Variants in SETDB2 observed in about 807,000 individuals in gnomAD.
SETDB2 encodes SET domain bifurcated histone lysine methyltransferase 2, also known as histone-lysine N-methyltransferase SETDB2.
A neutral mutation model predicts 82.5 loss-of-function variants in SETDB2; 56 were observed. That is an observed-to-expected ratio of 0.68 (90% CI 0.55 to 0.85). The LOEUF (loss-of-function observed/expected upper bound fraction) is 0.85. Among genes scored for constraint, SETDB2 ranks in the 40% least tolerant of loss-of-function variants. The pLI, the probability that SETDB2 is intolerant of heterozygous loss-of-function variation, is 0.00. For missense variants in SETDB2, 677 were observed against 816.4 expected (o/e 0.83, Z 2.08); for synonymous variants, 272 against 284.9 (o/e 0.95, Z 0.46).
rs1284216504 is a variant in SETDB2 at position 49,494,636 on chromosome 13, G to A, written c.*2787G>A. On this transcript the variant is annotated 3_prime_UTR_variant, in exon 14 of 14. Coordinates refer to ENST00000611815, the MANE Select transcript of SETDB2 (RefSeq NM_001160308.3). The stretch of plus-strand genomic sequence containing the variant: ...AAATACTCTTTCATCCTCCTGCATG[G>A]AGGGCAAAAAAAAATTTAAAAATTG... 1.4e-5 allele frequency: 2 copies of A among 144,654 alleles called. No individual in the cohort carries two copies. The highest frequency in any genetic ancestry group is 3.0e-5 in the Non-Finnish European group (2 of 66,644). The allele number at this position is 144,654 out of a possible 1,614,324, so 9.0% of individuals were successfully genotyped here.
intron 13 of SETDB2, 107 bp downstream of exon 13, chr13:49,491,017 C>T: frequency 1.2e-6 from 1 of 809,114 alleles, no homozygotes; most frequent in Non-Finnish European, 1.9e-6. Context: ...CTTTGGGAGG[C>T]CAAGGTGGGG....
chr13:49,482,625 C>T (rs1958501888), intron 8 of SETDB2, 112 bp from the exon 9 acceptor site: 1 of 717,064 alleles, frequency 1.4e-6, no homozygotes, highest in African/African-American at 1.8e-5. Context: ...ATGTGTTTAT[C>T]TTCATTGTAG....
At position 49,494,266 on chromosome 13, in the gene SETDB2, T is replaced by C. The variant is rs1958764549; in HGVS notation, c.*2417T>C. Reference sequence around the variant, plus strand: ...TTTGGCTCATGGTTGCAGTATTTTATCTCCTTGAAGATGTTTGTGTGTTTA... The same window carrying C: ...TTTGGCTCATGGTTGCAGTATTTTACCTCCTTGAAGATGTTTGTGTGTTTA... On this transcript the variant is annotated 3_prime_UTR_variant, in exon 14 of 14. Coordinates refer to ENST00000611815, the MANE Select transcript of SETDB2 (RefSeq NM_001160308.3). 1 of 152,240 alleles carries C rather than the reference T, an allele frequency of 6.6e-6. No homozygotes were observed. Among genetic ancestry groups the C allele is most frequent in the Middle Eastern group, 3.2e-3 (1 of 316 alleles). 9.4% of individuals were successfully genotyped at this position (152,240 alleles called of 1,614,324 possible).
chr13:49,480,385 G>C lies in SETDB2; in HGVS notation c.986+50G>C, dbSNP rs1267769924. 6.9e-6 allele frequency: 8 copies of C among 1,166,640 alleles called. No individual in the cohort carries two copies. In the Admixed American group the frequency reaches 1.8e-4, roughly 27 times the overall value. 72.3% of individuals were successfully genotyped at this position (1,166,640 alleles called of 1,614,324 possible). On this transcript the variant is annotated intron_variant, in intron 7 of 13. Coordinates refer to ENST00000611815, the MANE Select transcript of SETDB2 (RefSeq NM_001160308.3). ...CAGGGTGTGTATATCTTTGAAGGTG[G>C]GTACTTTTTATTGTGGTCCAAAATC...
chr13:49,449,114 T>C (rs1038771496), intron 1 of SETDB2, among the ~76,000 whole-genome samples: 5 of 152,240 alleles, frequency 3.3e-5, no homozygotes, highest in African/African-American at 9.6e-5. Context: ...TAAAATATCA[T>C]ATCTGGGTTT....
intron 2 of SETDB2, among the ~76,000 whole-genome samples, chr13:49,454,558 G>A (rs1214451915): frequency 1.3e-5 from 2 of 152,132 alleles, no homozygotes; most frequent in Admixed American, 6.5e-5. Flanking sequence ...ACTTAGGTCA[G>A]TACCTTTTCC....
intron 11 of SETDB2, 194 bp from the exon 12 acceptor site, chr13:49,488,096 T>G (rs1681626025): frequency 2.5e-6 from 1 of 404,254 alleles, no homozygotes; most frequent in Admixed American, 6.4e-5. Flanking sequence ...ACCCCAGTTC[T>G]CGTTATTGTG....
At chr13:49,461,202 T>G in intron 4 of SETDB2, 40 bp downstream of exon 4, 7 of 1,421,420 alleles carry the variant, frequency 4.9e-6, no homozygotes, top group Non-Finnish European at 6.8e-6. Flanking sequence ...TATTCTCTGA[T>G]ATTTTCTTGC....
chr13:49,471,708 T>C (rs1247500860), intron 5 of SETDB2, among the ~76,000 whole-genome samples: 4 of 151,592 alleles, frequency 2.6e-5, no homozygotes, highest in Admixed American at 2.0e-4. Flanking sequence ...ATAAATAAAA[T>C]AGGTCTTGAA....
intron 1 of SETDB2, among the ~76,000 whole-genome samples, chr13:49,450,440 A>G (rs1445015614): frequency 1.3e-5 from 2 of 151,832 alleles, no homozygotes; most frequent in African/African-American, 4.8e-5. Flanking sequence ...CTTTTTTTCA[A>G]AATTGTGTGT....
rs1407778751 is a variant in SETDB2 at position 49,482,977 on chromosome 13, A to G, written c.1382+15A>G. On this transcript the variant is annotated intron_variant, in intron 9 of 13. Transcript: ENST00000611815. ...GAGCTTACTGTGTAAGTAACAGCTG[A>G]GGAACCCAGAGTAAATCTAAATTAT... 1 of 1,451,124 alleles carries G rather than the reference A, an allele frequency of 6.9e-7. No homozygotes were observed. Among genetic ancestry groups the G allele is most frequent in the Non-Finnish European group, 9.6e-7 (1 of 1,045,144 alleles). The allele number at this position is 1,451,124 out of a possible 1,614,324, so 89.9% of individuals were successfully genotyped here. A position where few individuals can be genotyped will look rare whatever the true frequency, so the allele number is the denominator to read the frequency against.
At chr13:49,459,660 A>G (rs1040366041) in intron 2 of SETDB2, among the ~76,000 whole-genome samples, 2 of 152,182 alleles carry the variant, frequency 1.3e-5, no homozygotes, top group African/African-American at 4.8e-5. Context: ...AATTTGCTTC[A>G]TGCAATTAAA....
rs1814993596 is a variant in SETDB2 at position 49,444,591 on chromosome 13, C to G, written c.-608C>G. 1.3e-5 allele frequency: 2 copies of G among 157,826 alleles called. No homozygotes were observed. Among genetic ancestry groups the G allele is most frequent in the African/African-American group, 2.4e-5 (1 of 41,470 alleles). The allele number at this position is 157,826 out of a possible 1,614,324, so 9.8% of individuals were successfully genotyped here. ...GAGGAGCTGAAAACGCCGCGGAGCC[C>G]TCGGCCGCCCGAGCAGGGGCTGGAC... On this transcript the variant is annotated 5_prime_UTR_variant, in exon 1 of 14. Transcript: ENST00000611815.
At chr13:49,461,068 T>G (rs1243021534) in intron 3 of SETDB2, 29 bp from the exon 4 acceptor site, 2 of 1,559,740 alleles carry the variant, frequency 1.3e-6, no homozygotes, top group South Asian at 1.1e-5. Flanking sequence ...ATAAAGGTAA[T>G]GGTGATGCTG....
intron 5 of SETDB2, among the ~76,000 whole-genome samples, chr13:49,476,240 C>G (rs1566168869): frequency 1.3e-5 from 2 of 152,094 alleles, no homozygotes; most frequent in Non-Finnish European, 2.9e-5. Flanking sequence ...GTGCTGTGAT[C>G]ACACCTGTGA....
At position 49,491,821 on chromosome 13, in the gene SETDB2, T is replaced by C; in HGVS notation, c.2096T>C (p.Val699Ala). 1.2e-6 allele frequency: 2 copies of C among 1,611,382 alleles called. No homozygotes were observed. The highest frequency in any genetic ancestry group is 1.7e-6 in the Non-Finnish European group (2 of 1,178,136). ...AAGGAAATCTTCTGCCAATGTGGGGTTAATAAATGTAGAAAAAAAATATTA... is the reference window on the plus strand; with the variant it reads ...AAGGAAATCTTCTGCCAATGTGGGGCTAATAAATGTAGAAAAAAAATATTA... The part of the protein sequence containing the change: ...PEKEIFCQCG[V>A]NKCRKKIL The change falls in exon 14 of 14, where the codon GTT becomes GCT. Residue 699 changes from valine (V) to alanine (A), a missense_variant. Coordinates refer to ENST00000611815, the MANE Select transcript of SETDB2 (RefSeq NM_001160308.3).
Position 49,469,575 on chromosome 13 carries a change from T to C in SETDB2, c.305+1615T>C, listed in dbSNP as rs559289771. On this transcript the variant is annotated intron_variant, in intron 5 of 13. Transcript: ENST00000611815. ...TCTAGAGATTTTTAAGAGACCAGTGTTAAGCTAACCTTTCTATATTTTCTG... is the reference window on the plus strand; with the variant it reads ...TCTAGAGATTTTTAAGAGACCAGTGCTAAGCTAACCTTTCTATATTTTCTG... 2.0e-5 allele frequency among the ~76,000 whole-genome samples: 3 copies of C among 152,326 alleles called. No homozygotes were observed. In the South Asian group the frequency reaches 6.2e-4, roughly 32 times the overall value.
At chr13:49,487,264 G>T (rs1175338160) in intron 11 of SETDB2, among the ~76,000 whole-genome samples, 1 of 152,086 alleles carries the variant, frequency 6.6e-6, no homozygotes, top group Non-Finnish European at 1.5e-5. Context: ...GAATTAGGTG[G>T]TCCAAATAGC....
At chr13:49,472,809 C>T (rs1351818912) in intron 5 of SETDB2, among the ~76,000 whole-genome samples, 2 of 152,118 alleles carry the variant, frequency 1.3e-5, no homozygotes, top group African/African-American at 4.8e-5. Context: ...CCTCCCACTC[C>T]TCCCTAACTC....
Sources: gnomAD v4.1 joint callset for allele counts (sites outside exome capture counted in the v4.1 genomes callset) on GRCh38, gnomAD v4.1.1 for gene constraint, MANE v1.5 for transcripts, NCBI Gene and HGNC (gene_info 2026-07-23, HGNC 2026-07-21) for gene names.